Variants in BACE2 observed in about 807,000 individuals in gnomAD.
BACE2 encodes beta-secretase 2, also known as 56 kDa aspartic-like protease.
In BACE2, 17 loss-of-function variants were observed where a neutral mutation model predicts 46.2. The ratio of observed to expected loss-of-function variants is 0.37; its 90% confidence interval spans 0.25 to 0.55. The LOEUF (loss-of-function observed/expected upper bound fraction) is 0.55. Among genes scored for constraint, BACE2 ranks in the 20% least tolerant of loss-of-function variants. The pLI, the probability that BACE2 is intolerant of heterozygous loss-of-function variation, is 0.82. For missense variants in BACE2, 595 were observed against 698.1 expected (o/e 0.85, Z 1.66); for synonymous variants, 277 against 295.9 (o/e 0.94, Z 0.66).
intron 6 of BACE2, among the ~76,000 whole-genome samples, chr21:41,247,881 C>T (rs1987519567): frequency 6.6e-6 from 1 of 152,222 alleles, no homozygotes; most frequent in Non-Finnish European, 1.5e-5. Flanking sequence ...CTTACCGTCT[C>T]TGGACCAAAG....
At chr21:41,209,710 G>T (rs737288) in intron 1 of BACE2, among the ~76,000 whole-genome samples, 54,910 of 151,866 alleles carry the variant, frequency 0.36, 11,458 homozygotes, top group African/African-American at 0.57. Context: ...ATTCTGCAGC[G>T]AACAAGAGGT....
chr21:41,190,810 G>A (rs1985543741), intron 1 of BACE2, among the ~76,000 whole-genome samples: 1 of 152,172 alleles, frequency 6.6e-6, no homozygotes, highest in Non-Finnish European at 1.5e-5. Context: ...TTGTGGAGTA[G>A]TAGACTGATT....
chr21:41,222,091 G>A (rs1986674593), intron 1 of BACE2, among the ~76,000 whole-genome samples: 1 of 152,200 alleles, frequency 6.6e-6, no homozygotes, highest in Admixed American at 6.5e-5. Flanking sequence ...ACTTACCCTT[G>A]TAGAGTTGAG....
rs1178881744 is a variant in BACE2 at position 41,279,077 on chromosome 21, G to C, written c.*3453G>C. ...CAACACCATAAAGTGTAAAATTAGG[G>C]GTTCTGGCCAAGAGAGGTACTAGAT... is the stretch of plus-strand genomic sequence containing the variant. On this transcript the variant is annotated 3_prime_UTR_variant, in exon 9 of 9. Transcript: ENST00000330333. The C allele has an allele frequency of 6.6e-6, 1 of 151,776 alleles. No individual in the cohort carries two copies. The highest frequency in any genetic ancestry group is 1.5e-5 in the Non-Finnish European group (1 of 67,976). The allele number at this position is 151,776 out of a possible 1,614,324, so 9.4% of individuals were successfully genotyped here. A position where few individuals can be genotyped will look rare whatever the true frequency, so the allele number is the denominator to read the frequency against.
Position 41,168,376 on chromosome 21 carries a change from C to G in BACE2, c.113C>G (p.Ala38Gly). Residue 38 changes from alanine to glycine, a missense_variant, in exon 1 of 9, where the codon GCC becomes GGC. By Grantham distance (60) the Ala-to-Gly change is moderately conservative. Around this residue, in one of 3 missense-constraint regions of BACE2, gnomAD observed 248 missense variants for 261.4 expected, o/e 0.95. Transcript: ENST00000330333. ...ACGCTGCCCCTCCGGGTGGCCGCGG[C>G]CACGAACCGCGTAGTTGCGCCCACC... is the stretch of plus-strand genomic sequence containing the variant. ...PFTLPLRVAA[A>G]TNRVVAPTPG... 7.1e-7 allele frequency: 1 copy of G among 1,407,092 alleles called. No individual in the cohort carries two copies. Among genetic ancestry groups the G allele is most frequent in the Non-Finnish European group, 9.3e-7 (1 of 1,077,360 alleles). The allele number at this position is 1,407,092 out of a possible 1,614,324, so 87.2% of individuals were successfully genotyped here.
chr21:41,218,069 A>C (rs1033646367), intron 1 of BACE2, among the ~76,000 whole-genome samples: 13 of 152,240 alleles, frequency 8.5e-5, no homozygotes, highest in African/African-American at 3.1e-4. Flanking sequence ...AGCCATAAGA[A>C]ATTAATGTAA....
intron 1 of BACE2, among the ~76,000 whole-genome samples, chr21:41,224,944 T>C (rs1986765299): frequency 6.6e-6 from 1 of 152,166 alleles, no homozygotes; most frequent in African/African-American, 2.4e-5. Context: ...AGTAAAAATG[T>C]ATCTAGTCGG....
intron 7 of BACE2, among the ~76,000 whole-genome samples, chr21:41,254,177 T>C (rs910754390): frequency 1.3e-5 from 2 of 152,240 alleles, no homozygotes; most frequent in African/African-American, 4.8e-5. Context: ...AAACTTTGTC[T>C]ATACCCAACA....
chr21:41,245,827 C>T, intron 5 of BACE2, 135 bp from the exon 6 acceptor site: 2 of 604,712 alleles, frequency 3.3e-6, no homozygotes, highest in East Asian at 2.9e-5. Flanking sequence ...CATGAATGAA[C>T]TACACAGTCC....
Position 41,278,565 on chromosome 21 carries a change from G to A in BACE2, c.*2941G>A, listed in dbSNP as rs750467814. 6.6e-6 allele frequency: 1 copy of A among 152,198 alleles called. No homozygotes were observed. The highest frequency in any genetic ancestry group is 2.4e-5 in the African/African-American group (1 of 41,432). The allele number at this position is 152,198 out of a possible 1,614,324, so 9.4% of individuals were successfully genotyped here. A position where few individuals can be genotyped will look rare whatever the true frequency, so the allele number is the denominator to read the frequency against. ...TTCATGGTGAAACACAGAGGTTTTG[G>A]TTGGAGATAAATTTGGGGTCAGTTA... On this transcript the variant is annotated 3_prime_UTR_variant, in exon 9 of 9. Transcript: ENST00000330333.
intron 1 of BACE2, among the ~76,000 whole-genome samples, chr21:41,188,370 GGGA>G (rs1985451007): frequency 6.6e-6 from 1 of 152,206 alleles, no homozygotes; most frequent in Admixed American, 6.5e-5. Flanking sequence ...TTCAGGCCTA[GGGA>G]GAGGCAGGGT....
intron 8 of BACE2, among the ~76,000 whole-genome samples, chr21:41,263,535 C>T (rs1987993425): frequency 6.6e-6 from 1 of 152,114 alleles, no homozygotes; most frequent in Non-Finnish European, 1.5e-5. Context: ...TTTTGGATGT[C>T]TTTTATAAAA....
rs746934042 is a variant in BACE2, at chr21:41,178,971, A to G, written c.312+10396A>G. The G allele has an allele frequency of 1.7e-5, 11 of 662,864 alleles. No individual in the cohort carries two copies. The South Asian group carries it at 2.2e-4, about 13-fold the overall frequency. 41.1% of individuals were successfully genotyped at this position (662,864 alleles called of 1,614,324 possible). A position where few individuals can be genotyped will look rare whatever the true frequency, so the allele number is the denominator to read the frequency against. On this transcript the variant is annotated intron_variant, in intron 1 of 8. Transcript: ENST00000330333. The stretch of plus-strand genomic sequence containing the variant: ...GCGGTTATGGAAGACCTCTCTGAGG[A>G]GGTGCAATTTGAGATGAGATTGGCT...
intron 1 of BACE2, among the ~76,000 whole-genome samples, chr21:41,207,623 C>T (rs1312949810): frequency 7.9e-5 from 12 of 151,930 alleles, no homozygotes. Context: ...CCTCCCCAAC[C>T]CCGCCCCACT....
At chr21:41,255,211 G>C in intron 7 of BACE2, among the ~76,000 whole-genome samples, 1 of 152,248 alleles carries the variant, frequency 6.6e-6, no homozygotes. Context: ...AATGCCGATT[G>C]AGAGGTGGGC....
chr21:41,189,550 TTA>T (rs1371824257), intron 1 of BACE2, among the ~76,000 whole-genome samples: 1 of 152,234 alleles, frequency 6.6e-6, no homozygotes, highest in East Asian at 1.9e-4. Context: ...TTCCTGCTTT[TTA>T]TCTGTCTCCT....
intron 8 of BACE2, among the ~76,000 whole-genome samples, chr21:41,271,686 A>G (rs2088436609): frequency 6.6e-6 from 1 of 152,060 alleles, no homozygotes; most frequent in Non-Finnish European, 1.5e-5. Context: ...TAGAATATGT[A>G]GTGTAAATTT....
chr21:41,218,878 T>TGTG (rs1426869058), intron 1 of BACE2, among the ~76,000 whole-genome samples: 22 of 151,462 alleles, frequency 1.5e-4, no homozygotes, highest in African/African-American at 5.1e-4. Context: ...ACTTTTTTTT[T>TGTG]TTTGTGACAG....
At chr21:41,236,865 G>A (rs914918714) in intron 2 of BACE2, among the ~76,000 whole-genome samples, 4 of 152,180 alleles carry the variant, frequency 2.6e-5, no homozygotes, top group African/African-American at 7.2e-5. Context: ...CGTGTCCTAC[G>A]GTGGCCAAAC....
Sources: gnomAD v4.1 joint callset for allele counts (sites outside exome capture counted in the v4.1 genomes callset) on GRCh38, gnomAD v4.1.1 for gene constraint, gnomAD v4.1.1 regional missense constraint, MANE v1.5 for transcripts, NCBI Gene and HGNC (gene_info 2026-07-23, HGNC 2026-07-21) for gene names.